The following MAP4K4 variants were observed in gnomAD, a reference collection of about 807,000 sequenced individuals.
MAP4K4 encodes HPK/GCK-like kinase HGK.
Under a neutral mutation model 189.6 loss-of-function variants are expected in MAP4K4, and 38 were observed. The observed-to-expected ratio is 0.20, with a 90% CI of 0.15 to 0.26. MAP4K4 has a LOEUF of 0.26. MAP4K4 is among the 10% of genes least tolerant of loss of function. MAP4K4 has a pLI of 1.00. For synonymous variants in MAP4K4, 610 were observed against 624.3 expected (o/e 0.98, Z 0.34); for missense variants, 1,054 against 1,726.9 (o/e 0.61, Z 6.91).
chr2:101,765,469 T>G (rs2078236371), intron 2 of MAP4K4, among the ~76,000 whole-genome samples: 1 of 151,798 alleles, frequency 6.6e-6, no homozygotes. Context: ...AGCTGGGAGG[T>G]GCGCGCCACC....
rs746066067 is a variant in MAP4K4, at chr2:101,868,133, A to G, written c.2463+96A>G. The G allele has an allele frequency of 3.8e-6, 5 of 1,327,900 alleles. 1 individual carries two copies. Among genetic ancestry groups the G allele is most frequent in the South Asian group, 2.5e-5 (2 of 78,862 alleles). The allele number at this position is 1,327,900 out of a possible 1,614,324, so 82.3% of individuals were successfully genotyped here. On this transcript the variant is annotated intron_variant, in intron 21 of 32. Coordinates refer to ENST00000324219, the Ensembl canonical transcript of MAP4K4. Reference sequence around the variant, plus strand: ...GAGCTGCGGTCCTGCTCCTTCCTCAACTTGACTTCTTGTTCTTTTCTAGAA... The same window carrying G: ...GAGCTGCGGTCCTGCTCCTTCCTCAGCTTGACTTCTTGTTCTTTTCTAGAA...
At chr2:101,753,631 AC>A (rs1338680175) in intron 2 of MAP4K4, among the ~76,000 whole-genome samples, 1 of 151,152 alleles carries the variant, frequency 6.6e-6, no homozygotes, top group Non-Finnish European at 1.5e-5. Flanking sequence ...TTTATGAATT[AC>A]CTTTCAGACA....
chr2:101,880,125 T>C (rs1169667063), intron 27 of MAP4K4, among the ~76,000 whole-genome samples: 1 of 152,234 alleles, frequency 6.6e-6, no homozygotes, highest in Non-Finnish European at 1.5e-5. Context: ...GGATATTTTC[T>C]GCCAGTTTGT....
chr2:101,822,815 A>AC, intron 3 of MAP4K4, among the ~76,000 whole-genome samples: 1 of 152,158 alleles, frequency 6.6e-6, no homozygotes, highest in Non-Finnish European at 1.5e-5. Flanking sequence ...AAAAGTAAGG[A>AC]CATTTTAGGG....
intron 17 of MAP4K4, among the ~76,000 whole-genome samples, chr2:101,864,401 GA>G (rs2097760093): frequency 6.6e-6 from 1 of 152,128 alleles, no homozygotes. Context: ...AAAATTTTTA[GA>G]AAAAGTCCTA....
chr2:101,860,123 A>T (rs1048191041), intron 15 of MAP4K4: 20 of 537,930 alleles, frequency 3.7e-5, no homozygotes, highest in Non-Finnish European at 6.7e-5. Flanking sequence ...GAACTAAACT[A>T]AAAGATTACA....
intron 12 of MAP4K4, 51 bp downstream of exon 12, chr2:101,844,362 T>G (rs2097020117): frequency 1.1e-5 from 16 of 1,465,016 alleles, no homozygotes; most frequent in Non-Finnish European, 1.4e-5. Flanking sequence ...TTTCTGCATT[T>G]ACACTGGTAG....
At chr2:101,893,541 T>C (rs552001165) in exon 33 of MAP4K4, 1 of 229,080 alleles carries the variant, frequency 4.4e-6, no homozygotes, top group South Asian at 5.2e-5. Context: ...CGTGTACATA[T>C]CAAGAGAAGA....
exon 24 of MAP4K4, chr2:101,871,609 C>T (rs2098026809): frequency 6.5e-7 from 1 of 1,536,434 alleles, no homozygotes; most frequent in African/African-American, 1.4e-5. Flanking sequence ...TCCTCCACCT[C>T]CTCCTCCCCA....
chr2:101,864,089 C>CT, intron 17 of MAP4K4, 38 bp downstream of exon 17: 1 of 1,170,442 alleles, frequency 8.5e-7, no homozygotes, highest in Non-Finnish European at 1.1e-6. Context: ...TGCTTTTTTC[C>CT]TTTTTGTTAT....
At chr2:101,885,118 A>C (rs1218381467) in intron 28 of MAP4K4, 69 bp from the exon 29 acceptor site, 3 of 732,820 alleles carry the variant, frequency 4.1e-6, no homozygotes, top group African/African-American at 1.8e-5. Context: ...GAAGACAACT[A>C]AAACAGTTTA....
At chr2:101,743,406 C>T (rs951580492) in intron 2 of MAP4K4, among the ~76,000 whole-genome samples, 7 of 150,536 alleles carry the variant, frequency 4.7e-5, no homozygotes, top group African/African-American at 7.4e-5. Context: ...TTGATTTGAC[C>T]GTTCATTTTT....
rs373006857 is a variant in MAP4K4 at position 101,731,650 on chromosome 2, C to A, written c.123+33112C>A. On this transcript the variant is annotated intron_variant, in intron 2 of 32. Transcript: ENST00000324219. ...TGGTGTACACCAGCTACTGGAGGGACTGAGGTGGGAGGATAGCTTGAGCTC... is the reference window on the plus strand; with the variant it reads ...TGGTGTACACCAGCTACTGGAGGGAATGAGGTGGGAGGATAGCTTGAGCTC... 1.4e-4 allele frequency among the ~76,000 whole-genome samples: 21 copies of A among 151,480 alleles called. No homozygotes were observed. In the East Asian group the frequency reaches 3.3e-3, roughly 24 times the overall value.
At chr2:101,878,067 G>A (rs953752616) in intron 27 of MAP4K4, among the ~76,000 whole-genome samples, 7 of 152,122 alleles carry the variant, frequency 4.6e-5, no homozygotes, top group African/African-American at 1.7e-4. Flanking sequence ...CTCTTTTTAA[G>A]AAGAGCATTT....
At chr2:101,877,477 T>G (rs748332931) in intron 27 of MAP4K4, among the ~76,000 whole-genome samples, 3 of 96,288 alleles carry the variant, frequency 3.1e-5, no homozygotes, top group African/African-American at 1.4e-4. Flanking sequence ...TCCACCAGAC[T>G]TTTTTTTTTT....
intron 2 of MAP4K4, among the ~76,000 whole-genome samples, chr2:101,781,594 A>G (rs2087493776): frequency 6.6e-6 from 1 of 152,124 alleles, no homozygotes; most frequent in African/African-American, 2.4e-5. Flanking sequence ...TGCTTTGGAC[A>G]TAACTAACCC....
At chr2:101,889,142 A>G (rs2098530022) in intron 32 of MAP4K4, among the ~76,000 whole-genome samples, 3 of 152,202 alleles carry the variant, frequency 2.0e-5, no homozygotes, top group Non-Finnish European at 2.9e-5. Flanking sequence ...CTCTGTAGAA[A>G]TTAACATATT....
chr2:101,888,878 T>C lies in MAP4K4; in HGVS notation c.4014T>C (p.Gly1338=), dbSNP rs1433996631. 5 of 1,613,506 alleles carry C rather than the reference T, an allele frequency of 3.1e-6. No individual in the cohort carries two copies. The African/African-American group carries it at 6.7e-5, about 22-fold the overall frequency. ...CTGTGGAAACTGGTCACTTGGATGG[T>C]GTGTTCATGCACAAAAGGGCTCAAA... The change falls in exon 32 of 33, where the codon GGT becomes GGC. Residue 1338 remains glycine, a synonymous_variant. Transcript: ENST00000324219.
chr2:101,861,719 G>A (rs1045592425), intron 16 of MAP4K4: 1 of 152,166 alleles, frequency 6.6e-6, no homozygotes, highest in Non-Finnish European at 1.5e-5. Flanking sequence ...GAAGATCATG[G>A]CTAAAGATCT....
Sources: allele counts gnomAD v4.1 joint callset (sites outside exome capture counted in the v4.1 genomes callset), GRCh38; gene constraint gnomAD v4.1.1; transcripts MANE v1.5; gene names NCBI Gene and HGNC (gene_info 2026-07-23, HGNC 2026-07-21).